The following MICAL2 variants were observed in gnomAD, a reference collection of about 807,000 sequenced individuals.
The protein encoded by MICAL2 is microtubule associated monooxygenase, calponin and LIM domain containing 2.
In MICAL2, 77 loss-of-function variants were observed where a neutral mutation model predicts 127.3. The ratio of observed to expected loss-of-function variants is 0.60; its 90% CI spans 0.50 to 0.73. The LOEUF (loss-of-function observed/expected upper bound fraction) is 0.73, where lower values mean the gene tolerates loss of function less well. Among genes scored for constraint, MICAL2 ranks in the 30% least tolerant of loss-of-function variants. The pLI is 0.00. For missense variants in MICAL2, 1,351 were observed against 1,434.4 expected, an observed-to-expected ratio of 0.94 and a Z score of 0.94; for synonymous variants, 570 against 551.1, an observed-to-expected ratio of 1.03 and a Z score of -0.48.
chr11:12,311,662 T>C lies in MICAL2; in HGVS notation c.5213-8034T>C, dbSNP rs186092711. On this transcript the variant is annotated intron_variant, in intron 29 of 34. Transcript: ENST00000646065. ...TTGGCCTGATCCACCTGCCTCGGCC[T>C]CCCAAGGTGCTGGGATTACAGGTGT... Among the ~76,000 whole-genome samples the C allele has an allele frequency of 5.6e-4, 86 of 152,354 alleles. 1 individual carries two copies. The highest frequency in any genetic ancestry group is 5.6e-3 in the Admixed American group (85 of 15,300).
chr11:12,204,507 G>A, intron 4 of MICAL2, 50 bp downstream of exon 4: 3 of 1,575,060 alleles, frequency 1.9e-6, no homozygotes, highest in South Asian at 2.2e-5. Context: ...ACTGACCCTG[G>A]GTGGGACATA....
chr11:12,129,636 C>CTTCTT (rs1554949317), intron 1 of MICAL2, among the ~76,000 whole-genome samples: 2,052 of 97,488 alleles, frequency 0.021, 82 homozygotes, highest in East Asian at 0.091. Context: ...TCTTCTTCTT[C>CTTCTT]TTTTTTTTTT....
intron 32 of MICAL2, among the ~76,000 whole-genome samples, chr11:12,348,929 C>CTATTGTAT (rs1390875892): frequency 0.024 from 3,694 of 152,240 alleles, 134 homozygotes; most frequent in Admixed American, 0.095. Context: ...ATTGTATTGC[C>CTATTGTAT]TGTGTGTCTT....
At chr11:12,258,645 GC>G in intron 25 of MICAL2, 89 bp downstream of exon 25, 4 of 1,186,906 alleles carry the variant, frequency 3.4e-6, no homozygotes, top group African/African-American at 1.5e-5. Flanking sequence ...AGCTTTGCTG[GC>G]CCTAGAGGGA....
chr11:12,164,576 C>T (rs1170945758), intron 3 of MICAL2, among the ~76,000 whole-genome samples: 1 of 152,174 alleles, frequency 6.6e-6, no homozygotes, highest in Non-Finnish European at 1.5e-5. Context: ...CTCCATGCTT[C>T]CCTCCTGCAA....
intron 26 of MICAL2, 85 bp from the exon 27 acceptor site, chr11:12,262,395 G>A (rs1307480237): frequency 3.8e-6 from 6 of 1,597,722 alleles, no homozygotes; most frequent in Non-Finnish European, 5.1e-6. Context: ...GCCTTCTCGT[G>A]ATGTTAATCA....
intron 1 of MICAL2, among the ~76,000 whole-genome samples, chr11:12,128,233 G>C (rs400631): frequency 2.4e-4 from 36 of 152,342 alleles, no homozygotes; most frequent in African/African-American, 8.4e-4. Flanking sequence ...GTTACCACCA[G>C]ATCTTACCTT....
At chr11:12,259,479 A>G (rs1812318807) in intron 25 of MICAL2, among the ~76,000 whole-genome samples, 1 of 152,180 alleles carries the variant, frequency 6.6e-6, no homozygotes, top group African/African-American at 2.4e-5. Flanking sequence ...TTATCTTACA[A>G]ATGTTTTTAC....
chr11:12,201,841 G>A (rs184824724), intron 3 of MICAL2, among the ~76,000 whole-genome samples: 176 of 152,280 alleles, frequency 1.2e-3, no homozygotes, highest in Middle Eastern at 3.4e-3. Flanking sequence ...TTCACTGGCC[G>A]GGCACAGTGG....
At chr11:12,212,436 C>T (rs773701293) in intron 6 of MICAL2, among the ~76,000 whole-genome samples, 7 of 151,996 alleles carry the variant, frequency 4.6e-5, no homozygotes, top group Non-Finnish European at 1.0e-4. Context: ...TGATTGGCAC[C>T]GCTGCTTTCC....
chr11:12,257,067 C>T, intron 24 of MICAL2, 96 bp downstream of exon 24: 1 of 1,251,384 alleles, frequency 8.0e-7, no homozygotes, highest in Non-Finnish European at 1.1e-6. Context: ...CTAGGACACC[C>T]AAACATACCC....
intron 16 of MICAL2, among the ~76,000 whole-genome samples, chr11:12,238,842 G>A (rs555906277): frequency 6.6e-6 from 1 of 152,292 alleles, no homozygotes; most frequent in African/African-American, 2.4e-5. Flanking sequence ...CAACTTTTGT[G>A]TAAATCTAAA....
intron 2 of MICAL2, among the ~76,000 whole-genome samples, chr11:12,144,511 A>G (rs1437475559): frequency 6.6e-6 from 1 of 152,144 alleles, no homozygotes; most frequent in Non-Finnish European, 1.5e-5. Context: ...GCTTTCAGGA[A>G]TGTGGCCTCT....
intron 32 of MICAL2, among the ~76,000 whole-genome samples, chr11:12,347,281 T>C (rs111539439): frequency 5.9e-5 from 9 of 152,356 alleles, no homozygotes; most frequent in African/African-American, 2.2e-4. Context: ...CAGTGCTTTT[T>C]GTTGCTTTAT....
intron 33 of MICAL2, among the ~76,000 whole-genome samples, chr11:12,351,264 A>C (rs1374288292): frequency 1.3e-5 from 2 of 152,162 alleles, no homozygotes; most frequent in African/African-American, 4.8e-5. Flanking sequence ...TAATCACAAA[A>C]GGTAGTAGAC....
intron 21 of MICAL2, among the ~76,000 whole-genome samples, chr11:12,247,308 T>A (rs979665814): frequency 6.6e-5 from 10 of 152,206 alleles, no homozygotes; most frequent in Admixed American, 1.3e-4. Context: ...TCCCCAGTTG[T>A]GGTAGAACAA....
intron 17 of MICAL2, among the ~76,000 whole-genome samples, chr11:12,240,708 G>C (rs1859792789): frequency 2.6e-5 from 4 of 152,186 alleles, no homozygotes; most frequent in Admixed American, 2.6e-4. Context: ...TCCTGGGCCA[G>C]CCACCCTGGC....
chr11:12,211,973 C>A (rs1855523635), intron 6 of MICAL2, among the ~76,000 whole-genome samples: 1 of 152,190 alleles, frequency 6.6e-6, no homozygotes, highest in African/African-American at 2.4e-5. Context: ...CACCTGGCAA[C>A]CTTCATCCAA....
chr11:12,136,944 G>A (rs1193710727), intron 1 of MICAL2, among the ~76,000 whole-genome samples: 1 of 152,208 alleles, frequency 6.6e-6, no homozygotes, highest in African/African-American at 2.4e-5. Context: ...TAGAGAGCAT[G>A]GCGGGGTCCC....
Sources: gnomAD v4.1 joint callset for allele counts (sites outside exome capture counted in the v4.1 genomes callset) on GRCh38, gnomAD v4.1.1 for gene constraint, MANE v1.5 for transcripts, NCBI Gene and HGNC (gene_info 2026-07-23, HGNC 2026-07-21) for gene names.